The following SORL1 variants were observed in gnomAD, a reference collection of about 807,000 sequenced individuals.
SORL1 encodes the protein sortilin-related receptor.
SORL1 carries 127 observed loss-of-function variants against 273.7 expected under a neutral mutation model. The observed-to-expected ratio is 0.46, with a 90% CI of 0.40 to 0.54. The LOEUF (loss-of-function observed/expected upper bound fraction) is 0.54, where lower values mean the gene tolerates loss of function less well. Among genes scored for constraint, SORL1 ranks in the 20% least tolerant of loss-of-function variants. SORL1 has a pLI of 0.00. For missense variants in SORL1, 2,494 were observed against 2,846.1 expected, an observed-to-expected ratio of 0.88 and a Z score of 2.81; for synonymous variants, 1,031 against 1,067.4, an observed-to-expected ratio of 0.97 and a Z score of 0.66.
In SORL1 at chr11:121,478,108, T is replaced by A; in HGVS notation, c.403-10T>A. The A allele has an allele frequency of 6.2e-7, 1 of 1,610,026 alleles. No homozygotes were observed. The highest frequency in any genetic ancestry group is 8.5e-7 in the Non-Finnish European group (1 of 1,178,142). Reference sequence around the variant, plus strand: ...TCTTTCTTTTTCATCTCCTTTTCTCTGTATTCCAGGTGTACGTGTCTTACG... The same window carrying A: ...TCTTTCTTTTTCATCTCCTTTTCTCAGTATTCCAGGTGTACGTGTCTTACG... On this transcript the variant is annotated splice_polypyrimidine_tract_variant and intron_variant, in intron 2 of 47. Transcript: ENST00000260197.
chr11:121,606,058 G>T (rs1055890400), intron 35 of SORL1, among the ~76,000 whole-genome samples: 1 of 152,144 alleles, frequency 6.6e-6, no homozygotes, highest in African/African-American at 2.4e-5. Flanking sequence ...GCATAGCTGA[G>T]ACTATAGGTG....
intron 32 of SORL1, among the ~76,000 whole-genome samples, chr11:121,600,372 T>G (rs1335596858): frequency 6.6e-6 from 1 of 152,132 alleles, no homozygotes; most frequent in Non-Finnish European, 1.5e-5. Context: ...TGAGTAGGGA[T>G]TAGTGTACAG....
chr11:121,470,343 C>A (rs527552540), intron 2 of SORL1, among the ~76,000 whole-genome samples: 69 of 152,298 alleles, frequency 4.5e-4, no homozygotes, highest in African/African-American at 1.6e-3. Context: ...TGTGTGATTA[C>A]CTTTGGGAAG....
chr11:121,538,019 A>T (rs746597007), intron 12 of SORL1, among the ~76,000 whole-genome samples: 11 of 152,138 alleles, frequency 7.2e-5, no homozygotes, highest in Non-Finnish European at 1.5e-4. Flanking sequence ...CTGCCTCACG[A>T]TGTCAGTGCC....
In SORL1 at chr11:121,550,120, C is replaced by A. The variant is rs768590915; in HGVS notation, c.2180+32C>A. 5 of 1,603,962 alleles carry A rather than the reference C, an allele frequency of 3.1e-6. No homozygotes were observed. In the South Asian group the frequency reaches 5.6e-5, roughly 18 times the overall value. ...ATCACAGAGGTTGCCCTGTCAGGTT[C>A]TCAGCGGTCCGCACATGGAGCGAGA... On this transcript the variant is annotated intron_variant, in intron 15 of 47. Transcript: ENST00000260197. The surrounding 1 kb of genome is among the most constrained non-coding windows in gnomAD (Gnocchi z 5.3).
chr11:121,552,135 A>AG (rs1235571856), intron 16 of SORL1, among the ~76,000 whole-genome samples: 1 of 152,138 alleles, frequency 6.6e-6, no homozygotes, highest in Non-Finnish European at 1.5e-5. Flanking sequence ...TGTAAAAGAG[A>AG]GAAAAAAAAA....
chr11:121,516,244 A>G (rs1861948561), intron 8 of SORL1, among the ~76,000 whole-genome samples: 1 of 152,152 alleles, frequency 6.6e-6, no homozygotes, highest in African/African-American at 2.4e-5. Context: ...GCCAGTAGGG[A>G]TGGATGTTGG....
intron 16 of SORL1, among the ~76,000 whole-genome samples, chr11:121,552,296 A>G (rs989785116): frequency 6.6e-6 from 1 of 152,258 alleles, no homozygotes; most frequent in Non-Finnish European, 1.5e-5. Context: ...TACAATTACT[A>G]TGAAAACACA....
At chr11:121,511,978 C>T (rs57332520) in intron 6 of SORL1, among the ~76,000 whole-genome samples, 4,219 of 152,276 alleles carry the variant, frequency 0.028, 210 homozygotes, top group African/African-American at 0.095. Context: ...ATTATGTCCA[C>T]ATGAGGGTAT....
chr11:121,594,152 C>G (rs1863257667), intron 31 of SORL1, among the ~76,000 whole-genome samples: 1 of 151,008 alleles, frequency 6.6e-6, no homozygotes, highest in Non-Finnish European at 1.5e-5. Context: ...TTTTAATCCT[C>G]TAGAAGCTTG....
chr11:121,565,068 G>C (rs1862735645), intron 21 of SORL1, among the ~76,000 whole-genome samples: 1 of 152,178 alleles, frequency 6.6e-6, no homozygotes, highest in East Asian at 1.9e-4. Context: ...AACTAAAGGA[G>C]CCATCTGTGC....
At chr11:121,606,082 T>A (rs778906395) in intron 35 of SORL1, among the ~76,000 whole-genome samples, 7 of 152,146 alleles carry the variant, frequency 4.6e-5, no homozygotes, top group Non-Finnish European at 8.8e-5. Context: ...GCCACCATGC[T>A]CAGCTAGCTT....
intron 21 of SORL1, among the ~76,000 whole-genome samples, chr11:121,562,822 T>TATAGA (rs1466690986): frequency 2.0e-5 from 3 of 152,150 alleles, no homozygotes; most frequent in African/African-American, 7.2e-5. Flanking sequence ...GAACCTTCTA[T>TATAGA]CTCTGAAATT....
intron 39 of SORL1, 100 bp from the exon 40 acceptor site, chr11:121,612,636 A>T: frequency 2.4e-6 from 2 of 836,888 alleles, no homozygotes; most frequent in Non-Finnish European, 3.9e-6. Context: ...GAGATACCCA[A>T]GGAAAGAACA....
chr11:121,523,941 A>T (rs1333186166), intron 11 of SORL1, among the ~76,000 whole-genome samples: 1 of 152,220 alleles, frequency 6.6e-6, no homozygotes, highest in Non-Finnish European at 1.5e-5. Context: ...TAATAAAAAT[A>T]CCAACATTCA....
chr11:121,556,483 G>C (rs921079097), intron 18 of SORL1, among the ~76,000 whole-genome samples: 1 of 152,206 alleles, frequency 6.6e-6, no homozygotes, highest in Non-Finnish European at 1.5e-5. Context: ...TGCTGCCTCG[G>C]TGGTTATGTT....
At chr11:121,522,494 A>C in intron 9 of SORL1, 92 bp from the exon 10 acceptor site, 1 of 937,958 alleles carries the variant, frequency 1.1e-6, no homozygotes, top group South Asian at 1.4e-5. Context: ...GCCCCGTGTC[A>C]GCTGCACTCC....
rs889296316 is a variant in SORL1, at chr11:121,554,175, A to G, written c.2439+66A>G. ...TGACTGCCCTGTCCTGATAAGCTGC[A>G]TGCAGAATGGCCTATGGAAATGGGC... On this transcript the variant is annotated intron_variant, in intron 17 of 47. Coordinates refer to ENST00000260197, the MANE Select transcript of SORL1 (RefSeq NM_003105.6). This position sits in a 1 kb window ranked among gnomAD's most constrained non-coding sequence, Gnocchi z 4.6. 1.5e-5 allele frequency: 22 copies of G among 1,437,230 alleles called. No homozygotes were observed. Among genetic ancestry groups the G allele is most frequent in the East Asian group, 2.3e-5 (1 of 42,926 alleles). The allele number at this position is 1,437,230 out of a possible 1,614,324, so 89.0% of individuals were successfully genotyped here.
In SORL1 at chr11:121,545,974, T is replaced by A. The variant is rs528659608; in HGVS notation, c.2051+545T>A. On this transcript the variant is annotated intron_variant, in intron 14 of 47. Coordinates refer to ENST00000260197, the MANE Select transcript of SORL1 (RefSeq NM_003105.6). ...CTCAGAGGAGGAACTGGTACTTTTA[T>A]TGTGACTATTGAAAGGAAGGAGAGG... Among the ~76,000 whole-genome samples the A allele has an allele frequency of 9.8e-5, 15 of 152,316 alleles. No individual in the cohort carries two copies. The South Asian group carries it at 2.9e-3, about 29-fold the overall frequency.
Sources: gnomAD v4.1 joint callset for allele counts (sites outside exome capture counted in the v4.1 genomes callset) on GRCh38, gnomAD v4.1.1 for gene constraint, Gnocchi (gnomAD v3.1) non-coding constraint, MANE v1.5 for transcripts, NCBI Gene and HGNC (gene_info 2026-07-23, HGNC 2026-07-21) for gene names.